PTGER4: variants seen among roughly 807,000 people sequenced by gnomAD.
The protein encoded by PTGER4 is prostaglandin E2 receptor EP4 subtype.
A neutral mutation model predicts 33.2 loss-of-function variants in PTGER4; 11 were observed. The observed-to-expected ratio is 0.33, with a 90% CI of 0.21 to 0.55. The LOEUF is 0.55. PTGER4 is among the 20% of genes least tolerant of loss of function. The pLI, the probability that PTGER4 is intolerant of heterozygous loss-of-function variation, is 0.92. For synonymous variants in PTGER4, 275 were observed against 281.5 expected, an observed-to-expected ratio of 0.98 and a Z score of 0.23; for missense variants, 481 against 650.2, an observed-to-expected ratio of 0.74 and a Z score of 2.83.
At chr5:40,714,452 AAAT>A in the PTGER4 span, 1 of 152,206 alleles carries the variant, frequency 6.6e-6, no homozygotes, top group Non-Finnish European at 1.5e-5. Context: ...TAACAACATA[AAAT>A]AATAGGAAAA....
chr5:40,723,086 C>G, the PTGER4 span, among the ~76,000 whole-genome samples: 1 of 152,160 alleles, frequency 6.6e-6, no homozygotes, highest in Non-Finnish European at 1.5e-5. Flanking sequence ...TTGTTCTGTA[C>G]TAAGAAAAAT....
At chr5:40,736,855 C>T in the PTGER4 span, among the ~76,000 whole-genome samples, 2 of 152,074 alleles carry the variant, frequency 1.3e-5, no homozygotes, top group African/African-American at 2.4e-5. Flanking sequence ...TGGAGGTAAT[C>T]TGACTTCAAA....
chr5:40,746,001 T>G, the PTGER4 span, among the ~76,000 whole-genome samples: 2 of 152,152 alleles, frequency 1.3e-5, no homozygotes, highest in African/African-American at 4.8e-5. Flanking sequence ...TTCTATTAAT[T>G]GCATAGTTTT....
At chr5:40,719,649 T>C in the PTGER4 span, among the ~76,000 whole-genome samples, 1 of 152,204 alleles carries the variant, frequency 6.6e-6, no homozygotes, top group African/African-American at 2.4e-5. Flanking sequence ...GGCTATAACA[T>C]TTTACATTCC....
At chr5:40,716,735 G>A in the PTGER4 span, among the ~76,000 whole-genome samples, 3 of 152,154 alleles carry the variant, frequency 2.0e-5, no homozygotes, top group Non-Finnish European at 2.9e-5. Flanking sequence ...CCATTAAAAT[G>A]GGAGTACTCA....
At chr5:40,734,391 G>A in the PTGER4 span, among the ~76,000 whole-genome samples, 1 of 152,186 alleles carries the variant, frequency 6.6e-6, no homozygotes, top group Non-Finnish European at 1.5e-5. Flanking sequence ...TTGGTTTAAA[G>A]TCACTGTGGT....
the PTGER4 span, among the ~76,000 whole-genome samples, chr5:40,704,659 C>T: frequency 6.6e-6 from 1 of 152,150 alleles, no homozygotes; most frequent in Admixed American, 6.5e-5. Context: ...ATACAAAAAT[C>T]ACTAGTATTC....
the PTGER4 span, among the ~76,000 whole-genome samples, chr5:40,699,654 A>G: frequency 1.3e-4 from 20 of 152,288 alleles, no homozygotes; most frequent in East Asian, 3.7e-3. Flanking sequence ...AATCATCATG[A>G]GTAAGTAGGG....
the PTGER4 span, among the ~76,000 whole-genome samples, chr5:40,745,582 T>C: frequency 3.3e-5 from 5 of 151,832 alleles, no homozygotes; most frequent in Admixed American, 6.6e-5. Context: ...TGGAACCCAA[T>C]AGCAGAGTCA....
At chr5:40,727,653 A>G in the PTGER4 span, among the ~76,000 whole-genome samples, 7 of 152,318 alleles carry the variant, frequency 4.6e-5, no homozygotes, top group African/African-American at 1.4e-4. Context: ...TGTATAATCT[A>G]TCAGCGGTTT....
the PTGER4 span, among the ~76,000 whole-genome samples, chr5:40,722,434 C>T: frequency 2.0e-5 from 3 of 151,564 alleles, no homozygotes; most frequent in South Asian, 2.1e-4. Flanking sequence ...CGCCTCTTCC[C>T]GGCCGTCATC....
chr5:40,684,099 G>A (rs1741262146), intron 2 of PTGER4, among the ~76,000 whole-genome samples: 1 of 146,868 alleles, frequency 6.8e-6, no homozygotes, highest in African/African-American at 2.5e-5. Flanking sequence ...AGTGATAAAT[G>A]ATGGGTTCAT....
At chr5:40,706,429 C>T in the PTGER4 span, among the ~76,000 whole-genome samples, 1 of 152,076 alleles carries the variant, frequency 6.6e-6, no homozygotes. Flanking sequence ...ACCCTCATGA[C>T]ACGTGTTTAT....
chr5:40,690,215 C>T (rs1382274788), intron 2 of PTGER4, among the ~76,000 whole-genome samples: 1 of 152,124 alleles, frequency 6.6e-6, no homozygotes, highest in African/African-American at 2.4e-5. Flanking sequence ...TGGCACACAC[C>T]TGTAGTCCCA....
the PTGER4 span, among the ~76,000 whole-genome samples, chr5:40,736,781 G>T: frequency 6.6e-6 from 1 of 152,082 alleles, no homozygotes; most frequent in African/African-American, 2.4e-5. Context: ...CTATGAGGTA[G>T]AAATTGACAA....
the PTGER4 span, among the ~76,000 whole-genome samples, chr5:40,737,155 G>A: frequency 6.6e-6 from 1 of 152,108 alleles, no homozygotes; most frequent in Non-Finnish European, 1.5e-5. Flanking sequence ...AAATCAGCCA[G>A]GCATGGTGGC....
downstream of PTGER4, among the ~76,000 whole-genome samples, chr5:40,698,092 C>CAAAAA (rs1156254550): frequency 0.022 from 885 of 40,028 alleles, 135 homozygotes; most frequent in African/African-American, 0.093. Flanking sequence ...CCTGTCTCTA[C>CAAAAA]AAAAAAAAAA....
chr5:40,701,876 T>C, the PTGER4 span, among the ~76,000 whole-genome samples: 1 of 152,124 alleles, frequency 6.6e-6, no homozygotes, highest in Non-Finnish European at 1.5e-5. Flanking sequence ...GGGGCCTATG[T>C]TCAACATCAT....
chr5:40,685,994 T>C (rs1440652119), intron 2 of PTGER4, among the ~76,000 whole-genome samples: 1 of 152,128 alleles, frequency 6.6e-6, no homozygotes, highest in Non-Finnish European at 1.5e-5. Flanking sequence ...ATAAAGCCTG[T>C]AGAGATTTAA....
Sources: gnomAD v4.1 joint callset for allele counts (sites outside exome capture counted in the v4.1 genomes callset) on GRCh38, gnomAD v4.1.1 for gene constraint, MANE v1.5 for transcripts, NCBI Gene and HGNC (gene_info 2026-07-23, HGNC 2026-07-21) for gene names.